The following LIPC variants were observed in gnomAD, a reference collection of about 807,000 sequenced individuals.
LIPC encodes hepatic triacylglycerol lipase.
Under a neutral mutation model 50.7 loss-of-function variants are expected in LIPC, and 44 were observed. The ratio of observed to expected loss-of-function variants is 0.87; its 90% CI spans 0.68 to 1.11. LIPC has a LOEUF of 1.11. Ranked by LOEUF, LIPC falls within the 50% of genes most tolerant of loss-of-function variation. LIPC has a pLI of 0.00. For missense variants in LIPC, 697 were observed against 648.2 expected, an observed-to-expected ratio of 1.08 and a Z score of -0.82; for synonymous variants, 271 against 256.4, an observed-to-expected ratio of 1.06 and a Z score of -0.54.
At chr15:58,537,453 G>C (rs942944665) in intron 1 of LIPC, among the ~76,000 whole-genome samples, 1 of 152,170 alleles carries the variant, frequency 6.6e-6, no homozygotes, top group Non-Finnish European at 1.5e-5. Context: ...GAAAGCCTCC[G>C]AATGGACATT....
At chr15:58,519,352 A>G (rs1272103023) in intron 1 of LIPC, among the ~76,000 whole-genome samples, 1 of 150,426 alleles carries the variant, frequency 6.6e-6, no homozygotes, top group East Asian at 2.0e-4. Flanking sequence ...CGGAGCTTGC[A>G]GTGAGCCGAG....
At chr15:58,436,574 C>T (rs1212414633) in intron 1 of LIPC, 1 of 296,284 alleles carries the variant, frequency 3.4e-6, no homozygotes, top group Non-Finnish European at 6.8e-6. Context: ...ATAAATATGA[C>T]TGAAAATACT....
At chr15:58,498,563 A>T (rs1246366144) in intron 1 of LIPC, 1 of 152,210 alleles carries the variant, frequency 6.6e-6, no homozygotes, top group Non-Finnish European at 1.5e-5. Flanking sequence ...CTTCACGGGT[A>T]GACAATTAGG....
rs577255421 is a variant in LIPC at position 58,565,354 on chromosome 15, A to G, written c.1388+1631A>G. The G allele has an allele frequency of 1.0e-4, 157 of 1,527,876 alleles. 3 individuals are homozygous for G. In the South Asian group the frequency reaches 1.8e-3, roughly 17 times the overall value. 94.6% of individuals were successfully genotyped at this position (1,527,876 alleles called of 1,614,324 possible). A position where few individuals can be genotyped will look rare whatever the true frequency, so the allele number is the denominator to read the frequency against. ...GTTTAGGTGGCTGCTCACCCTGACA[A>G]TCCCATGTGGCTTGACCTGAAAGGG... On this transcript the variant is annotated intron_variant, in intron 8 of 8. Transcript: ENST00000299022.
chr15:58,476,666 T>C (rs1032368822), intron 1 of LIPC, among the ~76,000 whole-genome samples: 1 of 152,070 alleles, frequency 6.6e-6, no homozygotes, highest in Non-Finnish European at 1.5e-5. Flanking sequence ...AAACGTGAGG[T>C]GTGCAGCTGG....
intron 1 of LIPC, among the ~76,000 whole-genome samples, chr15:58,524,717 C>T (rs1037443156): frequency 3.3e-5 from 5 of 152,196 alleles, no homozygotes; most frequent in East Asian, 1.9e-4. Context: ...TTCTGTGAAA[C>T]GGCTCCTCAT....
Position 58,455,704 on chromosome 15 carries a change from A to G in LIPC, c.88+23584A>G, listed in dbSNP as rs573904115. On this transcript the variant is annotated intron_variant, in intron 1 of 8. Coordinates refer to ENST00000299022, the MANE Select transcript of LIPC (RefSeq NM_000236.3). ...GACAAGGGTCCAACAAACATCAGCA[A>G]AAGTATTCTGTGAAAATCAATTGCT... Among the ~76,000 whole-genome samples, 33 of 152,336 alleles carry G rather than the reference A, an allele frequency of 2.2e-4. 1 individual carries two copies. In the South Asian group the frequency reaches 6.2e-3, roughly 29 times the overall value.
intron 6 of LIPC, among the ~76,000 whole-genome samples, chr15:58,552,693 G>C (rs1338483959): frequency 6.6e-6 from 1 of 152,210 alleles, no homozygotes; most frequent in Non-Finnish European, 1.5e-5. Flanking sequence ...GTCTGTTTTT[G>C]GCTTCTCTCA....
chr15:58,567,354 T>TATACATATAC (rs1446974016), intron 8 of LIPC, among the ~76,000 whole-genome samples: 1 of 33,062 alleles, frequency 3.0e-5, no homozygotes, highest in Non-Finnish European at 9.5e-5. Flanking sequence ...TGTATATATA[T>TATACATATAC]ATATGTATAT....
At chr15:58,539,333 T>G (rs1237147083) in intron 2 of LIPC, among the ~76,000 whole-genome samples, 1 of 152,222 alleles carries the variant, frequency 6.6e-6, no homozygotes, top group East Asian at 1.9e-4. Context: ...ATTCTCCCAG[T>G]TACATCCATT....
intron 1 of LIPC, among the ~76,000 whole-genome samples, chr15:58,507,908 G>T (rs574609331): frequency 6.6e-6 from 1 of 152,188 alleles, no homozygotes; most frequent in Non-Finnish European, 1.5e-5. Flanking sequence ...AGGGGGAGAC[G>T]AGTGGACTTG....
chr15:58,542,482 G>C, intron 3 of LIPC, 52 bp from the exon 4 acceptor site: 5 of 1,215,752 alleles, frequency 4.1e-6, no homozygotes, highest in Non-Finnish European at 6.1e-6. Context: ...ACCGCAAAAG[G>C]CTTTCATCCA....
At chr15:58,459,890 G>A (rs1005041105) in intron 1 of LIPC, among the ~76,000 whole-genome samples, 17 of 152,324 alleles carry the variant, frequency 1.1e-4, no homozygotes, top group African/African-American at 4.1e-4. Flanking sequence ...GCCCTGAGTG[G>A]GGCCACTGCG....
intron 6 of LIPC, among the ~76,000 whole-genome samples, chr15:58,559,280 T>A (rs1256413026): frequency 6.6e-6 from 1 of 152,230 alleles, no homozygotes; most frequent in African/African-American, 2.4e-5. Context: ...TGTTGTTAGA[T>A]GTTAATGTGC....
At chr15:58,561,467 T>C (rs2140952497) in intron 7 of LIPC, among the ~76,000 whole-genome samples, 1 of 152,296 alleles carries the variant, frequency 6.6e-6, no homozygotes, top group South Asian at 2.1e-4. Flanking sequence ...CCAAGGTTCT[T>C]ATTATGCAGA....
intron 1 of LIPC, among the ~76,000 whole-genome samples, chr15:58,510,118 A>G (rs1383580797): frequency 1.3e-5 from 2 of 152,232 alleles, no homozygotes; most frequent in Non-Finnish European, 2.9e-5. Context: ...CTGAATGCCA[A>G]CATGGTGCTA....
chr15:58,563,403 C>T lies in LIPC; in HGVS notation c.1170-102C>T, dbSNP rs181588339. 474 of 987,426 alleles carry T rather than the reference C, an allele frequency of 4.8e-4. 1 individual carries two copies. The highest frequency in any genetic ancestry group is 1.6e-3 in the South Asian group (121 of 74,636). The allele number at this position is 987,426 out of a possible 1,614,324, so 61.2% of individuals were successfully genotyped here. ...CTAGTTTGGGAAATGCAGCAAAAAT[C>T]CCAAGTCATTCAGGGAAACACAACA... On this transcript the variant is annotated intron_variant, in intron 7 of 8. Coordinates refer to ENST00000299022, the MANE Select transcript of LIPC (RefSeq NM_000236.3).
At chr15:58,451,128 G>A (rs1460726539) in intron 1 of LIPC, among the ~76,000 whole-genome samples, 2 of 152,198 alleles carry the variant, frequency 1.3e-5, no homozygotes, top group South Asian at 2.1e-4. Context: ...ATTACTTGGA[G>A]GCATGTATCC....
At chr15:58,517,849 G>A (rs1468529305) in intron 1 of LIPC, among the ~76,000 whole-genome samples, 1 of 152,206 alleles carries the variant, frequency 6.6e-6, no homozygotes, top group Non-Finnish European at 1.5e-5. Context: ...AGAAAGGCAG[G>A]CGTCACAGCT....
Sources: allele counts gnomAD v4.1 joint callset (sites outside exome capture counted in the v4.1 genomes callset), GRCh38; gene constraint gnomAD v4.1.1; transcripts MANE v1.5; gene names NCBI Gene and HGNC (gene_info 2026-07-23, HGNC 2026-07-21).